The following SOCS5 variants were observed in gnomAD, a reference collection of about 807,000 sequenced individuals.
The protein encoded by SOCS5 is CIS-6.
A neutral mutation model predicts 42.8 loss-of-function variants in SOCS5; 32 were observed. The ratio of observed to expected loss-of-function variants is 0.75; its 90% confidence interval spans 0.56 to 1.01. The LOEUF (loss-of-function observed/expected upper bound fraction) is 1.01. Ranked by LOEUF, SOCS5 falls within the 50% of genes least tolerant of loss-of-function variation. SOCS5 has a pLI of 0.00. For missense variants in SOCS5, 627 were observed against 653.0 expected, an observed-to-expected ratio of 0.96 and a Z score of 0.43; for synonymous variants, 283 against 229.6, an observed-to-expected ratio of 1.23 and a Z score of -2.10.
intron 1 of SOCS5, among the ~76,000 whole-genome samples, chr2:46,732,224 A>G (rs1673142999): frequency 6.6e-6 from 1 of 152,240 alleles, no homozygotes; most frequent in Non-Finnish European, 1.5e-5. Flanking sequence ...AACAAACATT[A>G]TAGTAGAACT....
intron 1 of SOCS5, among the ~76,000 whole-genome samples, chr2:46,705,299 A>C (rs1397526827): frequency 6.6e-6 from 1 of 152,204 alleles, no homozygotes; most frequent in Non-Finnish European, 1.5e-5. Flanking sequence ...AGTGGGGCTC[A>C]GTCTTTTGGG....
At chr2:46,711,949 C>T (rs939615762) in intron 1 of SOCS5, among the ~76,000 whole-genome samples, 1 of 152,170 alleles carries the variant, frequency 6.6e-6, no homozygotes, top group African/African-American at 2.4e-5. Flanking sequence ...GTCTTTCTGC[C>T]ACTATGACAC....
At chr2:46,740,607 G>A (rs1294335377) in intron 1 of SOCS5, among the ~76,000 whole-genome samples, 2 of 152,138 alleles carry the variant, frequency 1.3e-5, no homozygotes, top group Admixed American at 1.3e-4. Context: ...TGAGGAAGAA[G>A]AAGAATACAG....
At chr2:46,714,337 A>C (rs189030123) in intron 1 of SOCS5, among the ~76,000 whole-genome samples, 1 of 152,200 alleles carries the variant, frequency 6.6e-6, no homozygotes, top group East Asian at 1.9e-4. Flanking sequence ...TGTTGAGTGC[A>C]TGCACATTGG....
At position 46,737,879 on chromosome 2, in the gene SOCS5, T is replaced by C. The variant is rs546958560; in HGVS notation, c.-12-20640T>C. Reference sequence around the variant, plus strand: ...TCTAAAAAAAAAAAAAATTGGGATGTAAATTTCCATCCCTCTCCTATGTGC... The same window carrying C: ...TCTAAAAAAAAAAAAAATTGGGATGCAAATTTCCATCCCTCTCCTATGTGC... On this transcript the variant is annotated intron_variant, in intron 1 of 1. Coordinates refer to ENST00000394861, the MANE Select transcript of SOCS5 (RefSeq NM_144949.3). Among the ~76,000 whole-genome samples, 6 of 152,164 alleles carry C rather than the reference T, an allele frequency of 3.9e-5. No homozygotes were observed. The East Asian group carries it at 1.2e-3, about 29-fold the overall frequency.
Position 46,759,138 on chromosome 2 carries a change from C to T in SOCS5, c.608C>T (p.Ser203Phe), listed in dbSNP as rs769643522. Residue 203 changes from serine to phenylalanine, a missense_variant, in exon 2 of 2, where the codon TCC becomes TTC. By Grantham distance (155) the Ser-to-Phe change is radical (BLOSUM62 -2). This residue lies in a region of SOCS5 where 278 missense variants were observed against 246.3 expected (regional missense o/e 1.13). Transcript: ENST00000394861. Reference sequence around the variant, plus strand: ...AGCAAGCAGTCAAAGCCTCTCTTTTCCAATAAAAGAAAAATCCATCTCTCT... The same window carrying T: ...AGCAAGCAGTCAAAGCCTCTCTTTTTCAATAAAAGAAAAATCCATCTCTCT... ...TYSKQSKPLFSNKRKIHLSEL... is the reference protein window; with the variant it reads ...TYSKQSKPLFFNKRKIHLSEL... 1.2e-6 allele frequency: 2 copies of T among 1,613,968 alleles called. No individual in the cohort carries two copies. Among genetic ancestry groups the T allele is most frequent in the Non-Finnish European group, 1.7e-6 (2 of 1,179,858 alleles).
In SOCS5 at chr2:46,699,777, C is replaced by T. The variant is rs1246717471; in HGVS notation, c.-13+328C>T. ...CTAAGGGGAAGGGGGTCGTCCGGGG[C>T]CAGTAGGAGGGCATCCGTGATCGGG... is the stretch of plus-strand genomic sequence containing the variant. On this transcript the variant is annotated intron_variant, in intron 1 of 1. Transcript: ENST00000394861. This position sits in a 1 kb window ranked among gnomAD's most constrained non-coding sequence, Gnocchi z 4.8. Among the ~76,000 whole-genome samples the T allele has an allele frequency of 7.9e-5, 12 of 152,092 alleles. No homozygotes were observed. In the East Asian group the frequency reaches 2.3e-3, roughly 29 times the overall value.
At chr2:46,749,465 A>G (rs1392704491) in intron 1 of SOCS5, among the ~76,000 whole-genome samples, 1 of 152,206 alleles carries the variant, frequency 6.6e-6, no homozygotes, top group Non-Finnish European at 1.5e-5. Context: ...TGTTTGTGTT[A>G]TACCACAGTC....
chr2:46,748,394 T>C (rs559106026), intron 1 of SOCS5, among the ~76,000 whole-genome samples: 36 of 152,052 alleles, frequency 2.4e-4, no homozygotes, highest in African/African-American at 8.7e-4. Flanking sequence ...TGTCTGTTGC[T>C]CAGGCTGGTC....
rs1202506135 is a variant in SOCS5 at position 46,761,446 on chromosome 2, A to G, written c.*1305A>G. The stretch of plus-strand genomic sequence containing the variant: ...CTCCATAGTTTCCTTACCTGCTGCT[A>G]CAGAATGTTATTTTACATCCCTATG... On this transcript the variant is annotated 3_prime_UTR_variant, in exon 2 of 2. Coordinates refer to ENST00000394861, the MANE Select transcript of SOCS5 (RefSeq NM_144949.3). 4 of 167,080 alleles carry G rather than the reference A, an allele frequency of 2.4e-5. No homozygotes were observed. The highest frequency in any genetic ancestry group is 7.2e-5 in the African/African-American group (3 of 41,458). The allele number at this position is 167,080 out of a possible 1,614,324, so 10.3% of individuals were successfully genotyped here.
chr2:46,716,111 C>CTT (rs11314433), intron 1 of SOCS5, among the ~76,000 whole-genome samples: 1 of 137,404 alleles, frequency 7.3e-6, no homozygotes. Flanking sequence ...GACACCCCCC[C>CTT]TTTTTTTTTT....
At chr2:46,702,311 G>A (rs1327462864) in intron 1 of SOCS5, among the ~76,000 whole-genome samples, 1 of 152,068 alleles carries the variant, frequency 6.6e-6, no homozygotes, top group African/African-American at 2.4e-5. Flanking sequence ...CTTTGGTAAG[G>A]GGGTACTTGG....
At chr2:46,725,872 T>C (rs1479797235) in intron 1 of SOCS5, among the ~76,000 whole-genome samples, 1 of 152,108 alleles carries the variant, frequency 6.6e-6, no homozygotes, top group Non-Finnish European at 1.5e-5. Context: ...TTCCCTAGAG[T>C]CTGAGTTGAC....
At chr2:46,717,172 G>A (rs538691007) in intron 1 of SOCS5, among the ~76,000 whole-genome samples, 3 of 152,196 alleles carry the variant, frequency 2.0e-5, no homozygotes, top group African/African-American at 4.8e-5. Flanking sequence ...TTTGTGGTTC[G>A]ATGCCCTGCA....
chr2:46,718,785 T>C (rs1428639420), intron 1 of SOCS5, among the ~76,000 whole-genome samples: 1 of 152,196 alleles, frequency 6.6e-6, no homozygotes, highest in African/African-American at 2.4e-5. Flanking sequence ...TCAATAATTG[T>C]GTGCTCCAAT....
At chr2:46,739,790 T>C (rs1378673850) in intron 1 of SOCS5, among the ~76,000 whole-genome samples, 2 of 152,240 alleles carry the variant, frequency 1.3e-5, no homozygotes, top group Non-Finnish European at 2.9e-5. Context: ...TACACACATA[T>C]GTATACATGT....
chr2:46,762,385 C>T lies in SOCS5; in HGVS notation c.*2244C>T, dbSNP rs1192549481. 3 of 166,654 alleles carry T rather than the reference C, an allele frequency of 1.8e-5. No homozygotes were observed. Among genetic ancestry groups the T allele is most frequent in the Non-Finnish European group, 1.5e-5 (1 of 68,062 alleles). The allele number at this position is 166,654 out of a possible 1,614,324, so 10.3% of individuals were successfully genotyped here. A position where few individuals can be genotyped will look rare whatever the true frequency, so the allele number is the denominator to read the frequency against. On this transcript the variant is annotated 3_prime_UTR_variant, in exon 2 of 2. Coordinates refer to ENST00000394861, the MANE Select transcript of SOCS5 (RefSeq NM_144949.3). ...TGTTTTAGAGAGGAAACTTGAAACT[C>T]CAAGAAAGCACTTGATGTTTTTATA...
intron 1 of SOCS5, among the ~76,000 whole-genome samples, chr2:46,714,221 A>G (rs916124965): frequency 2.6e-5 from 4 of 152,132 alleles, no homozygotes; most frequent in Non-Finnish European, 5.9e-5. Context: ...TCTGTCAACT[A>G]TTGTGAGAGG....
At chr2:46,720,449 A>G (rs1327164375) in intron 1 of SOCS5, among the ~76,000 whole-genome samples, 2 of 152,162 alleles carry the variant, frequency 1.3e-5, no homozygotes, top group Admixed American at 6.5e-5. Flanking sequence ...AGATCTGGCT[A>G]TTTTACTACT....
Sources: gnomAD v4.1 joint callset for allele counts (sites outside exome capture counted in the v4.1 genomes callset) on GRCh38, gnomAD v4.1.1 for gene constraint, gnomAD v4.1.1 regional missense constraint, Gnocchi (gnomAD v3.1) non-coding constraint, MANE v1.5 for transcripts, NCBI Gene and HGNC (gene_info 2026-07-23, HGNC 2026-07-21) for gene names.